JAK1: variants seen among roughly 807,000 people sequenced by gnomAD.
JAK1 encodes Janus kinase 1.
Under a neutral mutation model 136.6 loss-of-function variants are expected in JAK1, and 16 were observed. That is an observed-to-expected ratio of 0.12 (90% CI 0.08 to 0.18). JAK1 has a LOEUF of 0.18. Ranked by LOEUF, JAK1 falls within the 10% of genes least tolerant of loss-of-function variation. The probability of loss-of-function intolerance (pLI) is 1.00; values close to 1 mark genes in which losing one functional copy is unlikely to be tolerated. For missense variants in JAK1, 859 were observed against 1,450.1 expected (o/e 0.59, Z 6.62); for synonymous variants, 492 against 519.5 (o/e 0.95, Z 0.72).
At chr1:65,046,042 C>T (rs111345397) in intron 1 of JAK1, among the ~76,000 whole-genome samples, 1 of 152,176 alleles carries the variant, frequency 6.6e-6, no homozygotes, top group Non-Finnish European at 1.5e-5. Flanking sequence ...AGGACAGTAT[C>T]TTATACACAG....
intron 2 of JAK1, among the ~76,000 whole-genome samples, chr1:64,982,266 G>C (rs1646555096): frequency 6.6e-6 from 1 of 152,130 alleles, no homozygotes. Flanking sequence ...ACTCAGGTCT[G>C]ACATTCAGAT....
At chr1:64,982,101 C>T (rs960298569) in intron 2 of JAK1, among the ~76,000 whole-genome samples, 9 of 150,020 alleles carry the variant, frequency 6.0e-5, no homozygotes, top group African/African-American at 1.2e-4. Context: ...CACACACACA[C>T]GCACACACAC....
At chr1:65,066,327 A>C (rs1183175297) in intron 1 of JAK1, among the ~76,000 whole-genome samples, 1 of 152,094 alleles carries the variant, frequency 6.6e-6, no homozygotes, top group African/African-American at 2.4e-5. Context: ...AATTACAGCA[A>C]AGCACCCCTC....
At chr1:64,871,378 G>A (rs1034539155) in intron 5 of JAK1, among the ~76,000 whole-genome samples, 1 of 152,222 alleles carries the variant, frequency 6.6e-6, no homozygotes, top group African/African-American at 2.4e-5. Flanking sequence ...GTTCACAACA[G>A]ACTATAAAGT....
rs74224776 is a variant in JAK1 at position 64,907,462 on chromosome 1, C to T, written c.-77-21121G>A. Among the ~76,000 whole-genome samples, 537 of 152,202 alleles carry T rather than the reference C, an allele frequency of 3.5e-3. 14 individuals carry two copies. In the East Asian group the frequency reaches 0.04, roughly 11 times the overall value. On this transcript the variant is annotated intron_variant, in intron 1 of 24. Coordinates refer to ENST00000342505, the MANE Select transcript of JAK1 (RefSeq NM_002227.4). ...TAATAAATCCTTTCACCTCCCTGAGCCCAGGTTCAATAAGACATACAAATA... is the reference window on the plus strand; with the variant it reads ...TAATAAATCCTTTCACCTCCCTGAGTCCAGGTTCAATAAGACATACAAATA...
At chr1:65,020,518 C>T (rs943234948) in intron 2 of JAK1, among the ~76,000 whole-genome samples, 2 of 152,166 alleles carry the variant, frequency 1.3e-5, no homozygotes, top group African/African-American at 4.8e-5. Context: ...ATCTGGATCA[C>T]AGTACTGGTT....
At chr1:64,950,978 C>G (rs1197743629) in intron 1 of JAK1, among the ~76,000 whole-genome samples, 1 of 152,184 alleles carries the variant, frequency 6.6e-6, no homozygotes, top group African/African-American at 2.4e-5. Flanking sequence ...ATTTCTTACA[C>G]CTCTTAAAAG....
chr1:64,929,365 TTTAA>T (rs1252463015), intron 1 of JAK1, among the ~76,000 whole-genome samples: 1 of 152,252 alleles, frequency 6.6e-6, no homozygotes, highest in Non-Finnish European at 1.5e-5. Flanking sequence ...TCTGGATCAA[TTTAA>T]TTAAAGAGTA....
At chr1:64,994,235 C>T (rs969862226) in intron 2 of JAK1, among the ~76,000 whole-genome samples, 1 of 152,222 alleles carries the variant, frequency 6.6e-6, no homozygotes, top group Non-Finnish European at 1.5e-5. Flanking sequence ...GCCACTGCAC[C>T]TGATCTGTAG....
At chr1:64,891,825 T>G (rs909750368) in intron 1 of JAK1, among the ~76,000 whole-genome samples, 1 of 152,256 alleles carries the variant, frequency 6.6e-6, no homozygotes, top group Non-Finnish European at 1.5e-5. Context: ...TATATGCCAC[T>G]CCTGCCACAC....
chr1:64,836,302 G>C, intron 22 of JAK1, 87 bp from the exon 23 acceptor site: 1 of 773,204 alleles, frequency 1.3e-6, no homozygotes, highest in Non-Finnish European at 2.3e-6. Context: ...TCACCTCTTC[G>C]GTTTTTCTTA....
chr1:65,003,202 G>A (rs1646777102), intron 2 of JAK1, among the ~76,000 whole-genome samples: 1 of 151,902 alleles, frequency 6.6e-6, no homozygotes, highest in Non-Finnish European at 1.5e-5. Flanking sequence ...TGGGTGTCCC[G>A]GCCTGGCTCC....
intron 1 of JAK1, among the ~76,000 whole-genome samples, chr1:64,957,929 G>T (rs1331674070): frequency 7.7e-6 from 1 of 129,680 alleles, no homozygotes; most frequent in Admixed American, 8.2e-5. Context: ...GGGCGAAAGA[G>T]CGAGACTCCG....
At chr1:64,940,833 G>T (rs1180691335) in intron 1 of JAK1, among the ~76,000 whole-genome samples, 1 of 152,236 alleles carries the variant, frequency 6.6e-6, no homozygotes, top group African/African-American at 2.4e-5. Flanking sequence ...TTCAAGAACA[G>T]AAAAAATATA....
At chr1:64,930,806 T>A (rs1337918213) in intron 1 of JAK1, among the ~76,000 whole-genome samples, 2 of 152,178 alleles carry the variant, frequency 1.3e-5, no homozygotes, top group East Asian at 3.9e-4. Context: ...CACCATGGAA[T>A]ACTATGCAGC....
Position 64,844,942 on chromosome 1 carries a change from T to G in JAK1, c.2116-53A>C, listed in dbSNP as rs1655134970. The G allele has an allele frequency of 1.9e-6, 3 of 1,611,700 alleles. No individual in the cohort carries two copies. The highest frequency in any genetic ancestry group is 4.5e-5 in the East Asian group (2 of 44,844). ...CAAGCTGCTCCTTCCCGCATTCTAT[T>G]TCCAACCCTGGTCCCTCAGGTCATC... is the stretch of plus-strand genomic sequence containing the variant. On this transcript the variant is annotated intron_variant, in intron 15 of 24. Coordinates refer to ENST00000342505, the MANE Select transcript of JAK1 (RefSeq NM_002227.4). This position sits in a 1 kb window ranked among gnomAD's most constrained non-coding sequence, Gnocchi z 5.7.
chr1:65,020,962 T>C (rs1338373550), intron 2 of JAK1, among the ~76,000 whole-genome samples: 1 of 152,146 alleles, frequency 6.6e-6, no homozygotes, highest in Non-Finnish European at 1.5e-5. Context: ...ACTTGAGCTA[T>C]GACCTCTAGT....
intron 1 of JAK1, among the ~76,000 whole-genome samples, chr1:64,910,028 G>A (rs1341648556): frequency 3.9e-5 from 6 of 152,162 alleles, no homozygotes; most frequent in African/African-American, 1.4e-4. Flanking sequence ...CTCTCAGGCA[G>A]TATAGGTCTC....
intron 1 of JAK1, among the ~76,000 whole-genome samples, chr1:65,047,393 T>G (rs1028022746): frequency 3.9e-5 from 6 of 152,192 alleles, no homozygotes; most frequent in African/African-American, 1.4e-4. Flanking sequence ...TTGAACCTGG[T>G]CCTACTTGGT....
Sources: allele counts gnomAD v4.1 joint callset (sites outside exome capture counted in the v4.1 genomes callset), GRCh38; gene constraint gnomAD v4.1.1; non-coding constraint Gnocchi (gnomAD v3.1); transcripts MANE v1.5; gene names NCBI Gene and HGNC (gene_info 2026-07-23, HGNC 2026-07-21).